KCTD8: variants seen among roughly 807,000 people sequenced by gnomAD.
KCTD8 encodes the protein BTB/POZ domain-containing protein KCTD8.
KCTD8 carries 27 observed loss-of-function variants against 31.5 expected under a neutral mutation model. The ratio of observed to expected loss-of-function variants is 0.86; its 90% confidence interval spans 0.63 to 1.18. The LOEUF is 1.18. KCTD8 is among the 50% of genes most tolerant of loss of function. The pLI, the probability that KCTD8 is intolerant of heterozygous loss-of-function variation, is 0.00. For missense variants in KCTD8, 658 were observed against 647.7 expected, an observed-to-expected ratio of 1.02 and a Z score of -0.17; for synonymous variants, 290 against 280.0, an observed-to-expected ratio of 1.04 and a Z score of -0.36.
intron 1 of KCTD8, among the ~76,000 whole-genome samples, chr4:44,249,066 T>C (rs1263518070): frequency 6.6e-6 from 1 of 151,680 alleles, no homozygotes; most frequent in East Asian, 1.9e-4. Context: ...AAATACTAGA[T>C]TACAGAAGGA....
chr4:44,407,210 G>A (rs1032870156), intron 1 of KCTD8, among the ~76,000 whole-genome samples: 2 of 151,822 alleles, frequency 1.3e-5, no homozygotes, highest in African/African-American at 4.8e-5. Flanking sequence ...TCTCTTTCAT[G>A]CCCAACCAAG....
chr4:44,290,382 C>A (rs1292562992), intron 1 of KCTD8, among the ~76,000 whole-genome samples: 1 of 152,084 alleles, frequency 6.6e-6, no homozygotes, highest in African/African-American at 2.4e-5. Flanking sequence ...CTTCAGCACA[C>A]CACTGAGAGC....
rs371342994 is a variant in KCTD8 at position 44,390,696 on chromosome 4, C to T, written c.961+56867G>A. Among the ~76,000 whole-genome samples the T allele has an allele frequency of 9.2e-5, 14 of 151,834 alleles. No homozygotes were observed. The South Asian group carries it at 2.7e-3, about 29-fold the overall frequency. On this transcript the variant is annotated intron_variant, in intron 1 of 1. Transcript: ENST00000360029. ...AAGCATAACGCGATACCACCTTATTCCTGCAAGAATGGCTATAATCAATAA... is the reference window on the plus strand; with the variant it reads ...AAGCATAACGCGATACCACCTTATTTCTGCAAGAATGGCTATAATCAATAA...
chr4:44,335,140 T>C (rs10016146), intron 1 of KCTD8, among the ~76,000 whole-genome samples: 3,392 of 152,218 alleles, frequency 0.022, 107 homozygotes, highest in African/African-American at 0.066. Context: ...ATGTAAAGAA[T>C]ATTTAGAAAT....
At chr4:44,403,176 C>A (rs771199267) in intron 1 of KCTD8, among the ~76,000 whole-genome samples, 6 of 149,292 alleles carry the variant, frequency 4.0e-5, no homozygotes, top group Non-Finnish European at 8.9e-5. Context: ...TGCATTTTTG[C>A]GGGGAGTGGA....
At chr4:44,251,716 T>C (rs1715839788) in intron 1 of KCTD8, among the ~76,000 whole-genome samples, 1 of 151,522 alleles carries the variant, frequency 6.6e-6, no homozygotes, top group Admixed American at 6.6e-5. Context: ...CCATTAAGAA[T>C]TATGCATCTT....
intron 1 of KCTD8, among the ~76,000 whole-genome samples, chr4:44,335,964 A>C (rs547534567): frequency 1.2e-3 from 177 of 150,924 alleles, no homozygotes; most frequent in African/African-American, 4.1e-3. Flanking sequence ...TCCTGGCTAA[A>C]ACGGTGAAAC....
Position 44,296,238 on chromosome 4 carries a change from A to C in KCTD8, c.962-120988T>G, listed in dbSNP as rs374380156. 2.0e-5 allele frequency among the ~76,000 whole-genome samples: 3 copies of C among 152,110 alleles called. No individual in the cohort carries two copies. In the East Asian group the frequency reaches 5.8e-4, roughly 29 times the overall value. ...AGATAAGTCCTCCCTTTTTTTTCTG[A>C]TCCTTAGTAACCCCTATTTCTCTGC... On this transcript the variant is annotated intron_variant, in intron 1 of 1. Transcript: ENST00000360029.
chr4:44,434,704 C>G (rs574694701), intron 1 of KCTD8, among the ~76,000 whole-genome samples: 2 of 151,844 alleles, frequency 1.3e-5, no homozygotes, highest in Non-Finnish European at 2.9e-5. Context: ...TAAAAGCCTA[C>G]CTAACATACC....
intron 1 of KCTD8, among the ~76,000 whole-genome samples, chr4:44,345,557 T>C (rs896583329): frequency 1.3e-5 from 2 of 152,180 alleles, no homozygotes; most frequent in African/African-American, 4.8e-5. Context: ...CATGTAGCAT[T>C]CACGAAACAT....
intron 1 of KCTD8, among the ~76,000 whole-genome samples, chr4:44,402,210 C>T (rs189374499): frequency 3.4e-3 from 521 of 152,206 alleles, no homozygotes; most frequent in Admixed American, 7.2e-3. Flanking sequence ...TTTAGTCATG[C>T]TCTTAATTTG....
chr4:44,326,524 A>G (rs1485622685), intron 1 of KCTD8, among the ~76,000 whole-genome samples: 1 of 151,818 alleles, frequency 6.6e-6, no homozygotes, highest in African/African-American at 2.4e-5. Flanking sequence ...CAAGATAATC[A>G]CCTCTACTAT....
intron 1 of KCTD8, among the ~76,000 whole-genome samples, chr4:44,245,502 G>T (rs1326447445): frequency 6.6e-6 from 1 of 151,792 alleles, no homozygotes; most frequent in Non-Finnish European, 1.5e-5. Context: ...ATGTGTTTTT[G>T]CTTTTATAGT....
At chr4:44,324,076 A>C (rs1046624743) in intron 1 of KCTD8, among the ~76,000 whole-genome samples, 3 of 151,534 alleles carry the variant, frequency 2.0e-5, no homozygotes, top group Non-Finnish European at 2.9e-5. Context: ...AACAAAACAA[A>C]AAAAAAAGGA....
intron 1 of KCTD8, among the ~76,000 whole-genome samples, chr4:44,311,218 C>T (rs1323834583): frequency 2.6e-5 from 4 of 151,970 alleles, no homozygotes; most frequent in African/African-American, 9.7e-5. Flanking sequence ...ATATTTTATA[C>T]CCATAATTTA....
At chr4:44,280,785 T>C (rs953658689) in intron 1 of KCTD8, among the ~76,000 whole-genome samples, 2 of 152,100 alleles carry the variant, frequency 1.3e-5, no homozygotes, top group African/African-American at 2.4e-5. Flanking sequence ...CAACCCACTA[T>C]TGAGATGGTA....
intron 1 of KCTD8, among the ~76,000 whole-genome samples, chr4:44,400,698 C>T (rs1720625893): frequency 7.3e-6 from 1 of 137,018 alleles, no homozygotes; most frequent in Admixed American, 8.3e-5. Flanking sequence ...CACTGGACTC[C>T]AGCCTGGGGG....
At chr4:44,386,025 T>TA (rs1720203708) in intron 1 of KCTD8, among the ~76,000 whole-genome samples, 1 of 151,428 alleles carries the variant, frequency 6.6e-6, no homozygotes, top group Non-Finnish European at 1.5e-5. Context: ...CCCATTTAAG[T>TA]AGTTACTACT....
At chr4:44,352,331 A>G (rs985886053) in intron 1 of KCTD8, among the ~76,000 whole-genome samples, 1 of 151,982 alleles carries the variant, frequency 6.6e-6, no homozygotes, top group Non-Finnish European at 1.5e-5. Flanking sequence ...TTTCTCAAAG[A>G]TAATACCTAG....
Sources: allele counts gnomAD v4.1 joint callset (sites outside exome capture counted in the v4.1 genomes callset), GRCh38; gene constraint gnomAD v4.1.1; transcripts MANE v1.5; gene names NCBI Gene and HGNC (gene_info 2026-07-23, HGNC 2026-07-21).